The following CACNA2D1 variants were observed in gnomAD, a reference collection of about 807,000 sequenced individuals.
The protein encoded by CACNA2D1 is voltage-dependent calcium channel subunit alpha-2/delta-1.
CACNA2D1 carries 53 observed loss-of-function variants against 171.5 expected under a neutral mutation model. The observed-to-expected ratio is 0.31, with a 90% CI of 0.25 to 0.39. CACNA2D1 has a LOEUF of 0.39. Among genes scored for constraint, CACNA2D1 ranks in the 10% least tolerant of loss-of-function variants. The pLI is 1.00. For synonymous variants in CACNA2D1, 442 were observed against 443.1 expected, an observed-to-expected ratio of 1.00 and a Z score of 0.03; for missense variants, 903 against 1,299.8, an observed-to-expected ratio of 0.69 and a Z score of 4.69.
At chr7:82,174,532 A>G (rs1187656722) in intron 3 of CACNA2D1, among the ~76,000 whole-genome samples, 1 of 152,108 alleles carries the variant, frequency 6.6e-6, no homozygotes, top group African/African-American at 2.4e-5. Context: ...ATAACAAAAT[A>G]GACTTGACCC....
intron 1 of CACNA2D1, among the ~76,000 whole-genome samples, chr7:82,430,120 A>T (rs1025498422): frequency 6.7e-6 from 1 of 150,174 alleles, no homozygotes; most frequent in African/African-American, 2.5e-5. Flanking sequence ...ACTGCTATAA[A>T]AAGGCCATGT....
chr7:82,418,105 T>G (rs181682444), intron 1 of CACNA2D1, among the ~76,000 whole-genome samples: 5 of 152,224 alleles, frequency 3.3e-5, no homozygotes, highest in Admixed American at 2.6e-4. Flanking sequence ...AAACTTACAA[T>G]CATGGTGGAA....
At position 82,366,940 on chromosome 7, in the gene CACNA2D1, T is replaced by C. The variant is rs562015186; in HGVS notation, c.96-17291A>G. The stretch of plus-strand genomic sequence containing the variant: ...TTTTTTTTTTTTGACGGTGCCTTGC[T>C]CTGTCACCGAGGCTGGAGTGCAGTG... On this transcript the variant is annotated intron_variant, in intron 1 of 38. Transcript: ENST00000356860. 2.1e-5 allele frequency among the ~76,000 whole-genome samples: 3 copies of C among 139,576 alleles called. No individual in the cohort carries two copies. The East Asian group carries it at 6.5e-4, about 30-fold the overall frequency. 91.6% of individuals were successfully genotyped at this position (139,576 alleles called of 152,430 possible). A position where few individuals can be genotyped will look rare whatever the true frequency, so the allele number is the denominator to read the frequency against.
At chr7:82,016,346 C>A (rs950333858) in intron 12 of CACNA2D1, among the ~76,000 whole-genome samples, 1 of 152,150 alleles carries the variant, frequency 6.6e-6, no homozygotes, top group Admixed American at 6.6e-5. Context: ...TCTCTCATAA[C>A]TAACATTTGA....
At chr7:82,185,472 G>GGGGGA (rs1797572674) in intron 3 of CACNA2D1, among the ~76,000 whole-genome samples, 1 of 53,022 alleles carries the variant, frequency 1.9e-5, no homozygotes, top group Non-Finnish European at 4.1e-5. Context: ...AAAAAGAGAG[G>GGGGGA]GGGGGAGGGG....
At position 81,955,980 on chromosome 7, in the gene CACNA2D1, A is replaced by ATATATTT. The variant is rs58075516; in HGVS notation, c.3159+3294_3159+3295insAAATATA. On this transcript the variant is annotated intron_variant, in intron 38 of 38. Coordinates refer to ENST00000356860, the MANE Select transcript of CACNA2D1 (RefSeq NM_000722.4). ...TGTTGCTATATATATATATATATATATTTTTTTTTTTTTTTTTTTTTTTTG... is the reference window on the plus strand; with the variant it reads ...TGTTGCTATATATATATATATATATATATATTTTTTTTTTTTTTTTTTTTTTTTTTTG... 1.2e-3 allele frequency among the ~76,000 whole-genome samples: 42 copies of ATATATTT among 34,560 alleles called. 1 individual carries two copies. Among genetic ancestry groups the ATATATTT allele is most frequent in the East Asian group, 2.9e-3 (2 of 692 alleles). 22.7% of individuals were successfully genotyped at this position (34,560 alleles called of 152,430 possible).
chr7:82,038,371 A>G lies in CACNA2D1; in HGVS notation c.880-136T>C, dbSNP rs1803558827. 5 of 737,304 alleles carry G rather than the reference A, an allele frequency of 6.8e-6. No individual in the cohort carries two copies. In the Admixed American group the frequency reaches 1.3e-4, roughly 20 times the overall value. 45.7% of individuals were successfully genotyped at this position (737,304 alleles called of 1,614,324 possible). ...AAATGGAAAAGTGAGTAGGCTGGTG[A>G]CAAAGGTGCATTAAGAAACCAATGG... On this transcript the variant is annotated intron_variant, in intron 10 of 38. Transcript: ENST00000356860.
In CACNA2D1 at chr7:82,135,682, A is replaced by C. The variant is rs528762720; in HGVS notation, c.396+953T>G. 1.1e-4 allele frequency among the ~76,000 whole-genome samples: 16 copies of C among 152,250 alleles called. No individual in the cohort carries two copies. In the South Asian group the frequency reaches 3.3e-3, roughly 32 times the overall value. Reference sequence around the variant, plus strand: ...CCATTATGTGTTTTCTCATTTTTTAAGACCAGATAGACTTGTTTTATGTAT... The same window carrying C: ...CCATTATGTGTTTTCTCATTTTTTACGACCAGATAGACTTGTTTTATGTAT... On this transcript the variant is annotated intron_variant, in intron 5 of 38. Transcript: ENST00000356860.
intron 6 of CACNA2D1, among the ~76,000 whole-genome samples, chr7:82,097,859 A>G (rs760120573): frequency 6.6e-6 from 1 of 151,920 alleles, no homozygotes; most frequent in Non-Finnish European, 1.5e-5. Context: ...CACGCCTGTA[A>G]TCCCAACACT....
At chr7:82,412,703 A>G (rs958604111) in intron 1 of CACNA2D1, among the ~76,000 whole-genome samples, 4 of 151,624 alleles carry the variant, frequency 2.6e-5, no homozygotes, top group African/African-American at 9.7e-5. Flanking sequence ...AGAATTGATG[A>G]TTTTCTAATC....
chr7:82,081,000 G>C (rs1301231150), intron 7 of CACNA2D1, among the ~76,000 whole-genome samples: 1 of 152,190 alleles, frequency 6.6e-6, no homozygotes. Flanking sequence ...AAAATGAGGA[G>C]TTATTAATGT....
At chr7:82,291,432 T>C (rs1811558725) in intron 3 of CACNA2D1, among the ~76,000 whole-genome samples, 2 of 136,462 alleles carry the variant, frequency 1.5e-5, no homozygotes, top group African/African-American at 2.7e-5. Context: ...ATATAATATA[T>C]AAAATATATA....
intron 6 of CACNA2D1, among the ~76,000 whole-genome samples, chr7:82,087,734 TTTC>T (rs1259407435): frequency 2.6e-5 from 4 of 152,116 alleles, no homozygotes; most frequent in Non-Finnish European, 4.4e-5. Context: ...CCAGACTTTT[TTTC>T]TTCTTAACCT....
At chr7:82,092,508 G>A (rs1811297479) in intron 6 of CACNA2D1, among the ~76,000 whole-genome samples, 1 of 149,958 alleles carries the variant, frequency 6.7e-6, no homozygotes, top group African/African-American at 2.4e-5. Flanking sequence ...GAGTAATTGG[G>A]ACTACGGGCA....
At chr7:82,044,725 A>C (rs1804350693) in intron 10 of CACNA2D1, among the ~76,000 whole-genome samples, 1 of 152,176 alleles carries the variant, frequency 6.6e-6, no homozygotes, top group African/African-American at 2.4e-5. Context: ...AAATGACCAG[A>C]GGCTGTGCGC....
intron 6 of CACNA2D1, among the ~76,000 whole-genome samples, chr7:82,106,638 T>TA (rs563941542): frequency 2.9e-4 from 44 of 151,988 alleles, no homozygotes; most frequent in East Asian, 1.5e-3. Context: ...CATAATAGAC[T>TA]AAAAAAAATC....
intron 38 of CACNA2D1, among the ~76,000 whole-genome samples, chr7:81,951,969 G>T (rs1295166298): frequency 3.0e-3 from 213 of 71,872 alleles, no homozygotes; most frequent in Non-Finnish European, 2.9e-3. Flanking sequence ...TGTACAAAGT[G>T]TTTTTTTTTT....
At chr7:81,970,541 T>G (rs1008339438) in intron 27 of CACNA2D1, 134 bp downstream of exon 27, 1 of 694,730 alleles carries the variant, frequency 1.4e-6, no homozygotes, top group African/African-American at 1.8e-5. Flanking sequence ...ATGTAAATAC[T>G]GTAAACAATG....
intron 1 of CACNA2D1, among the ~76,000 whole-genome samples, chr7:82,440,305 AT>A (rs1333257884): frequency 6.6e-6 from 1 of 151,854 alleles, no homozygotes; most frequent in Non-Finnish European, 1.5e-5. Flanking sequence ...AGATTCTAAA[AT>A]TAAGGACAAA....
Sources: gnomAD v4.1 joint callset for allele counts (sites outside exome capture counted in the v4.1 genomes callset) on GRCh38, gnomAD v4.1.1 for gene constraint, MANE v1.5 for transcripts, NCBI Gene and HGNC (gene_info 2026-07-23, HGNC 2026-07-21) for gene names.